Variants in SHISA9 observed in about 807,000 individuals in gnomAD.
SHISA9 encodes the protein shisa family member 9.
In SHISA9, 13 loss-of-function variants were observed where a neutral mutation model predicts 38.0. The observed-to-expected ratio is 0.34, with a 90% CI of 0.22 to 0.54. SHISA9 has a LOEUF of 0.54. Ranked by LOEUF, SHISA9 falls within the 20% of genes least tolerant of loss-of-function variation. SHISA9 has a pLI of 0.91. For synonymous variants in SHISA9, 275 were observed against 242.0 expected, an observed-to-expected ratio of 1.14 and a Z score of -1.27; for missense variants, 538 against 575.8, an observed-to-expected ratio of 0.93 and a Z score of 0.67.
the SHISA9 span, among the ~76,000 whole-genome samples, chr16:13,262,191 A>C: frequency 6.6e-6 from 1 of 152,206 alleles, no homozygotes; most frequent in African/African-American, 2.4e-5. Flanking sequence ...AAAGAAAACA[A>C]AATAAAACAT....
At chr16:13,293,009 A>T in the SHISA9 span, among the ~76,000 whole-genome samples, 1 of 152,192 alleles carries the variant, frequency 6.6e-6, no homozygotes, top group East Asian at 1.9e-4. Flanking sequence ...CAAGAACAAG[A>T]TGAAGCAAAC....
chr16:13,228,720 G>T (rs970696124), intron 4 of SHISA9, among the ~76,000 whole-genome samples: 2 of 152,014 alleles, frequency 1.3e-5, no homozygotes, highest in African/African-American at 4.8e-5. Context: ...TAATTTTTAA[G>T]TTCAGGAGTA....
At chr16:13,114,469 A>T (rs2074011054) in intron 2 of SHISA9, among the ~76,000 whole-genome samples, 1 of 136,102 alleles carries the variant, frequency 7.3e-6, no homozygotes, top group Non-Finnish European at 1.6e-5. Flanking sequence ...CCATCTCAAA[A>T]AAAAAAAAAA....
At chr16:13,087,995 T>C (rs576534326) in intron 2 of SHISA9, among the ~76,000 whole-genome samples, 1 of 152,344 alleles carries the variant, frequency 6.6e-6, no homozygotes, top group Admixed American at 6.5e-5. Context: ...AATTAATTTT[T>C]GTATAAGGTG....
intron 2 of SHISA9, among the ~76,000 whole-genome samples, chr16:12,972,041 T>TTGTGTGTGTGTGTGTGTGTGTG (rs72368949): frequency 1.4e-5 from 2 of 141,948 alleles, no homozygotes; most frequent in Admixed American, 7.1e-5. Flanking sequence ...CTCTTGGAGT[T>TTGTGTGTGTGTGTGTGTGTGTG]TGTGTGTGTG....
chr16:12,916,883 T>A (rs900687624), intron 2 of SHISA9, 68 bp downstream of exon 2: 77 of 1,505,120 alleles, frequency 5.1e-5, no homozygotes, highest in Non-Finnish European at 6.8e-5. Flanking sequence ...CATTGCCAGA[T>A]TTCGTGGAGT....
At chr16:13,308,727 A>T in the SHISA9 span, among the ~76,000 whole-genome samples, 1 of 152,214 alleles carries the variant, frequency 6.6e-6, no homozygotes, top group African/African-American at 2.4e-5. Context: ...TCATCCATTG[A>T]TTCAATATAG....
intron 2 of SHISA9, among the ~76,000 whole-genome samples, chr16:13,109,112 G>A (rs1421965177): frequency 6.6e-6 from 1 of 152,078 alleles, no homozygotes; most frequent in Non-Finnish European, 1.5e-5. Flanking sequence ...CATCAGTCTT[G>A]ACCTCTGGGG....
the SHISA9 span, among the ~76,000 whole-genome samples, chr16:13,487,174 C>A: frequency 2.6e-5 from 4 of 152,324 alleles, no homozygotes; most frequent in South Asian, 2.1e-4. Flanking sequence ...AGGACCCTGG[C>A]AGATACCAAA....
intron 2 of SHISA9, among the ~76,000 whole-genome samples, chr16:13,028,603 G>A (rs375230359): frequency 1.4e-3 from 210 of 152,216 alleles, no homozygotes; most frequent in African/African-American, 4.7e-3. Context: ...ATCTCCTACC[G>A]GGTCCCTCCC....
At chr16:13,076,319 C>T (rs971181776) in intron 2 of SHISA9, among the ~76,000 whole-genome samples, 6 of 152,218 alleles carry the variant, frequency 3.9e-5, no homozygotes, top group African/African-American at 1.2e-4. Flanking sequence ...GCGTGAGCCA[C>T]TGCACCCAGC....
chr16:13,017,888 A>G (rs2072776921), intron 2 of SHISA9, among the ~76,000 whole-genome samples: 1 of 152,242 alleles, frequency 6.6e-6, no homozygotes, highest in African/African-American at 2.4e-5. Context: ...GGGCTATCAC[A>G]TTCAATCCCC....
At chr16:13,116,616 T>C (rs2141972796) in intron 2 of SHISA9, among the ~76,000 whole-genome samples, 1 of 152,202 alleles carries the variant, frequency 6.6e-6, no homozygotes, top group East Asian at 1.9e-4. Flanking sequence ...TTGAATCCCA[T>C]CATTTCTGGA....
chr16:13,112,163 G>T (rs373805880), intron 2 of SHISA9, among the ~76,000 whole-genome samples: 1 of 152,050 alleles, frequency 6.6e-6, no homozygotes, highest in East Asian at 1.9e-4. Context: ...TTCATGATTC[G>T]TCAGAAAAAG....
chr16:13,286,587 A>G, the SHISA9 span, among the ~76,000 whole-genome samples: 2 of 152,208 alleles, frequency 1.3e-5, no homozygotes, highest in Non-Finnish European at 2.9e-5. Flanking sequence ...AACCTATATT[A>G]GGGAAAAAAA....
chr16:13,230,574 T>A (rs996317220), intron 4 of SHISA9, among the ~76,000 whole-genome samples: 1 of 151,978 alleles, frequency 6.6e-6, no homozygotes, highest in Non-Finnish European at 1.5e-5. Context: ...ATCTGAGTAA[T>A]GTTGCTGGGT....
the SHISA9 span, among the ~76,000 whole-genome samples, chr16:13,499,758 C>A: frequency 1.2e-4 from 18 of 152,258 alleles, no homozygotes; most frequent in Middle Eastern, 6.8e-3. Flanking sequence ...TGAGTGCAAA[C>A]CCACGAAAGG....
intron 2 of SHISA9, among the ~76,000 whole-genome samples, chr16:13,149,295 G>A (rs1477203755): frequency 6.6e-6 from 1 of 152,198 alleles, no homozygotes; most frequent in East Asian, 1.9e-4. Context: ...CCTGAGCCTG[G>A]CATTGAAGGG....
At chr16:13,159,201 GA>G (rs2050574778) in intron 2 of SHISA9, among the ~76,000 whole-genome samples, 1 of 152,134 alleles carries the variant, frequency 6.6e-6, no homozygotes, top group Non-Finnish European at 1.5e-5. Flanking sequence ...CTATTTCTAG[GA>G]ATATTGTGAA....
Sources: allele counts gnomAD v4.1 joint callset (sites outside exome capture counted in the v4.1 genomes callset), GRCh38; gene constraint gnomAD v4.1.1; transcripts MANE v1.5; gene names NCBI Gene and HGNC (gene_info 2026-07-23, HGNC 2026-07-21).